Variants in ELAPOR1 observed in about 807,000 individuals in gnomAD.
ELAPOR1 encodes endosome/lysosome-associated apoptosis and autophagy regulator 1.
Under a neutral mutation model 119.7 loss-of-function variants are expected in ELAPOR1, and 77 were observed. That is an observed-to-expected ratio of 0.64 (90% confidence interval 0.54 to 0.78). ELAPOR1 has a LOEUF of 0.78. ELAPOR1 is among the 30% of genes least tolerant of loss of function. The probability of loss-of-function intolerance (pLI) is 0.00; values close to 1 mark genes in which losing one functional copy is unlikely to be tolerated. For missense variants in ELAPOR1, 1,115 were observed against 1,270.4 expected (o/e 0.88, Z 1.86); for synonymous variants, 481 against 487.2 (o/e 0.99, Z 0.17).
intron 15 of ELAPOR1, among the ~76,000 whole-genome samples, chr1:109,196,079 C>T (rs949859668): frequency 6.6e-6 from 1 of 152,090 alleles, no homozygotes; most frequent in Non-Finnish European, 1.5e-5. Context: ...TTACTTGAAC[C>T]CAGGGGGCGG....
At chr1:109,141,786 C>T (rs2101000138) in intron 1 of ELAPOR1, among the ~76,000 whole-genome samples, 1 of 152,198 alleles carries the variant, frequency 6.6e-6, no homozygotes, top group South Asian at 2.1e-4. Flanking sequence ...CTACCTCAGC[C>T]TCCCAAGTAG....
intron 1 of ELAPOR1, among the ~76,000 whole-genome samples, chr1:109,154,281 C>CAAAAAAAA (rs745938875): frequency 5.0e-5 from 2 of 39,754 alleles, no homozygotes; most frequent in Non-Finnish European, 5.4e-5. Context: ...AACTCCGTCT[C>CAAAAAAAA]AAAAAAAAAA....
chr1:109,146,301 T>C (rs1209997432), intron 1 of ELAPOR1, among the ~76,000 whole-genome samples: 1 of 149,856 alleles, frequency 6.7e-6, no homozygotes, highest in Admixed American at 6.8e-5. Context: ...GACTGGGTAA[T>C]CAGAGTGAGA....
At chr1:109,178,177 A>G (rs1287313041) in intron 7 of ELAPOR1, among the ~76,000 whole-genome samples, 1 of 151,648 alleles carries the variant, frequency 6.6e-6, no homozygotes, top group African/African-American at 2.4e-5. Context: ...GCTTGCCTAA[A>G]TTTTTGTATT....
Position 109,172,010 on chromosome 1 carries a change from T to A in ELAPOR1, c.612T>A (p.Phe204Leu). The change falls in exon 4 of 22, where the codon TTT becomes TTA. Residue 204 changes from phenylalanine (F) to leucine (L), a missense_variant. Transcript: ENST00000369939. ...CAGACTCCAGCATCATCTTTGAGTT[T>A]TTCGTAAGCCCCTGGCCAAGGTGGA... Reference protein sequence around the residue: ...YYPDSSIIFEFFVQNDQCQPN... With the variant: ...YYPDSSIIFELFVQNDQCQPN... The A allele has an allele frequency of 1.2e-6, 2 of 1,614,192 alleles. No individual in the cohort carries two copies. The highest frequency in any genetic ancestry group is 1.7e-6 in the Non-Finnish European group (2 of 1,180,038).
intron 4 of ELAPOR1, 70 bp downstream of exon 4, chr1:109,172,083 T>G: frequency 6.4e-7 from 1 of 1,553,638 alleles, no homozygotes; most frequent in Non-Finnish European, 8.9e-7. Flanking sequence ...GTTTGAGGAA[T>G]CCATCATGAG....
chr1:109,198,736 G>T (rs1251347415), intron 18 of ELAPOR1, 62 bp downstream of exon 18: 1 of 1,409,876 alleles, frequency 7.1e-7, no homozygotes, highest in Non-Finnish European at 9.9e-7. Context: ...TCCATCCTGA[G>T]ATCCAGAGAT....
At chr1:109,127,682 A>T (rs1011035820) in intron 1 of ELAPOR1, among the ~76,000 whole-genome samples, 1 of 151,962 alleles carries the variant, frequency 6.6e-6, no homozygotes, top group Admixed American at 6.6e-5. Context: ...TCCCTCCCAC[A>T]TTAGCCTGAG....
Position 109,192,795 on chromosome 1 carries a change from C to A in ELAPOR1, c.1868C>A (p.Thr623Asn), listed in dbSNP as rs746930570. The A allele has an allele frequency of 1.2e-6, 2 of 1,614,086 alleles. No individual in the cohort carries two copies. Among genetic ancestry groups the A allele is most frequent in the East Asian group, 4.5e-5 (2 of 44,864 alleles). ...RDSGTCHSCP[T>N]NTILKAHQPY... ...TCAGGAACCTGCCACTCCTGCCCCA[C>A]TAACACAATTCTGAAAGCCCACCAG... Residue 623 changes from threonine (T) to asparagine (N), a missense_variant, in exon 14 of 22, where the codon ACT (threonine) becomes AAT (asparagine). Transcript: ENST00000369939.
At chr1:109,170,059 G>A (rs1394451222) in intron 3 of ELAPOR1, among the ~76,000 whole-genome samples, 1 of 152,248 alleles carries the variant, frequency 6.6e-6, no homozygotes, top group Admixed American at 6.5e-5. Context: ...GTATATTGAA[G>A]TCCCTTCCTT....
At chr1:109,175,688 G>A (rs1443273847) in intron 7 of ELAPOR1, among the ~76,000 whole-genome samples, 7 of 150,330 alleles carry the variant, frequency 4.7e-5, no homozygotes, top group East Asian at 4.0e-4. Context: ...TTAGCCCGGC[G>A]TGGGGGCGTG....
intron 7 of ELAPOR1, among the ~76,000 whole-genome samples, chr1:109,181,416 CCAACTTAA>C (rs1652690496): frequency 1.3e-5 from 2 of 152,124 alleles, no homozygotes; most frequent in African/African-American, 4.8e-5. Flanking sequence ...TGACTAGCAT[CCAACTTAA>C]ACACTTTGAT....
chr1:109,115,490 G>A (rs1299373306), intron 1 of ELAPOR1, among the ~76,000 whole-genome samples: 1 of 151,940 alleles, frequency 6.6e-6, no homozygotes, highest in Non-Finnish European at 1.5e-5. Flanking sequence ...ATACTGCCCC[G>A]GCCAGTCTCT....
At chr1:109,122,308 G>A (rs1648481182) in intron 1 of ELAPOR1, among the ~76,000 whole-genome samples, 1 of 151,022 alleles carries the variant, frequency 6.6e-6, no homozygotes, top group Non-Finnish European at 1.5e-5. Context: ...CAAAGTGCTG[G>A]GATTACAGGC....
intron 8 of ELAPOR1, chr1:109,187,096 T>G (rs1558061080): frequency 4.1e-6 from 4 of 985,490 alleles, no homozygotes; most frequent in Non-Finnish European, 4.8e-6. Context: ...AACAGTATTT[T>G]AAAATCAAGG....
At chr1:109,187,818 T>C (rs1038354636) in intron 8 of ELAPOR1, 1 of 963,766 alleles carries the variant, frequency 1.0e-6, no homozygotes, top group Non-Finnish European at 1.3e-6. Context: ...TTCTGTGTTC[T>C]GGGATTTTCA....
In ELAPOR1 at chr1:109,152,994, A is replaced by C. The variant is rs903360555; in HGVS notation, c.154-8900A>C. Among the ~76,000 whole-genome samples the C allele has an allele frequency of 4.0e-5, 6 of 151,690 alleles. 1 individual carries two copies. In the South Asian group the frequency reaches 6.3e-4, roughly 16 times the overall value. ...AGAAAGAAAAAAAGGACCACGAAAA[A>C]TGAAAAATGACAGTCTCATGTGGGG... On this transcript the variant is annotated intron_variant, in intron 1 of 21. Coordinates refer to ENST00000369939, the MANE Select transcript of ELAPOR1 (RefSeq NM_020775.5).
chr1:109,187,136 C>T, intron 8 of ELAPOR1: 8 of 985,506 alleles, frequency 8.1e-6, no homozygotes, highest in Non-Finnish European at 9.6e-6. Flanking sequence ...CCTATGATTA[C>T]ATTTCTGACC....
intron 1 of ELAPOR1, among the ~76,000 whole-genome samples, chr1:109,155,958 C>A (rs1480152842): frequency 6.6e-6 from 1 of 152,142 alleles, no homozygotes; most frequent in Non-Finnish European, 1.5e-5. Context: ...GTCTTAGCCA[C>A]ATAGCAAGAC....
Sources: allele counts gnomAD v4.1 joint callset (sites outside exome capture counted in the v4.1 genomes callset), GRCh38; gene constraint gnomAD v4.1.1; transcripts MANE v1.5; gene names NCBI Gene and HGNC (gene_info 2026-07-23, HGNC 2026-07-21).